The following COX7A2 variants were observed in gnomAD, a reference collection of about 807,000 sequenced individuals.
COX7A2 encodes the protein cytochrome c oxidase subunit 7A2.
In COX7A2, 11 loss-of-function variants were observed where a neutral mutation model predicts 11.6. The ratio of observed to expected loss-of-function variants is 0.95; its 90% confidence interval spans 0.60 to 1.57. COX7A2 has a LOEUF of 1.57. Ranked by LOEUF, COX7A2 falls within the 40% of genes most tolerant of loss-of-function variation. COX7A2 has a pLI of 0.00. For missense variants in COX7A2, 106 were observed against 100.9 expected (o/e 1.05, Z -0.22); for synonymous variants, 30 against 38.2 (o/e 0.78, Z 0.79).
At chr6:75,243,994 C>T (rs1411251339), upstream of COX7A2, 2 of 591,756 alleles carry the variant, frequency 3.4e-6, no homozygotes, top group East Asian at 6.0e-5. Flanking sequence ...TAGGCTGGTC[C>T]CTGGAGCTAA....
upstream of COX7A2, among the ~76,000 whole-genome samples, chr6:75,247,994 T>C (rs4632863): frequency 6.0e-3 from 919 of 152,270 alleles, 7 homozygotes; most frequent in African/African-American, 0.021. Flanking sequence ...CTTTTAAGTC[T>C]GATAAGACAC....
At chr6:75,248,033 G>T (rs1277405800), upstream of COX7A2, among the ~76,000 whole-genome samples, 1 of 151,480 alleles carries the variant, frequency 6.6e-6, no homozygotes. Flanking sequence ...TCTGCAGTCC[G>T]CTGAGAGTTT....
In COX7A2 at chr6:75,243,759, G is replaced by C. The variant is rs528000856; in HGVS notation, c.-25C>G. The C allele has an allele frequency of 1.2e-6, 2 of 1,613,966 alleles. No individual in the cohort carries two copies. Among genetic ancestry groups the C allele is most frequent in the South Asian group, 2.2e-5 (2 of 91,078 alleles). ...TCTTGGCTGTTACTGACCAGCAACCGCCACAACTGAACACCACCAACGAAA... is the reference window on the plus strand; with the variant it reads ...TCTTGGCTGTTACTGACCAGCAACCCCCACAACTGAACACCACCAACGAAA... On this transcript the variant is annotated 5_prime_UTR_variant, in exon 1 of 4. Coordinates refer to ENST00000684430, the MANE Select transcript of COX7A2 (RefSeq NM_001366293.2).
chr6:75,249,398 GA>G (rs1320445333), intron 1 of COX7A2, among the ~76,000 whole-genome samples: 2 of 151,924 alleles, frequency 1.3e-5, no homozygotes, highest in Non-Finnish European at 2.9e-5. Flanking sequence ...AGTGAAAAGA[GA>G]AAAAAAATAT....
At chr6:75,239,120 C>CCAGCCAG (rs1771411703) in intron 3 of COX7A2, among the ~76,000 whole-genome samples, 2 of 152,236 alleles carry the variant, frequency 1.3e-5, no homozygotes, top group South Asian at 4.2e-4. Context: ...CAGCCTATAC[C>CCAGCCAG]TTTTATAATA....
chr6:75,243,671 C>T lies in COX7A2; in HGVS notation c.18+46G>A, dbSNP rs370138902. 71 of 1,585,806 alleles carry T rather than the reference C, an allele frequency of 4.5e-5. No homozygotes were observed. The African/African-American group carries it at 9.0e-4, about 20-fold the overall frequency. ...CTGTCGTGGTGCCTCAGCCTCCTCT[C>T]CACTCCCTCGCCCCCATCATGAATG... On this transcript the variant is annotated intron_variant, in intron 1 of 3. Coordinates refer to ENST00000684430, the MANE Select transcript of COX7A2 (RefSeq NM_001366293.2).
chr6:75,241,122 C>T lies in COX7A2; in HGVS notation c.108+54G>A, dbSNP rs751245744. 3.2e-6 allele frequency: 5 copies of T among 1,559,558 alleles called. No individual in the cohort carries two copies. The African/African-American group carries it at 6.8e-5, about 21-fold the overall frequency. On this transcript the variant is annotated intron_variant, in intron 2 of 3. Coordinates refer to ENST00000684430, the MANE Select transcript of COX7A2 (RefSeq NM_001366293.2). Reference sequence around the variant, plus strand: ...ACATACTTGTTTATCCCAACTCTTACCTTTTGGTAATCTAATAATTACAAG... The same window carrying T: ...ACATACTTGTTTATCCCAACTCTTATCTTTTGGTAATCTAATAATTACAAG...
At chr6:75,246,195 T>C (rs1188953945), upstream of COX7A2, among the ~76,000 whole-genome samples, 1 of 152,206 alleles carries the variant, frequency 6.6e-6, no homozygotes, top group East Asian at 1.9e-4. Context: ...TCCCATTAAC[T>C]TGAGACATCT....
At chr6:75,243,182 G>A (rs1436149711) in intron 1 of COX7A2, among the ~76,000 whole-genome samples, 1 of 152,136 alleles carries the variant, frequency 6.6e-6, no homozygotes, top group Non-Finnish European at 1.5e-5. Context: ...CGATGGAGGG[G>A]TGAAGGACAA....
At chr6:75,239,798 TA>T (rs1771433392) in intron 3 of COX7A2, among the ~76,000 whole-genome samples, 1 of 152,180 alleles carries the variant, frequency 6.6e-6, no homozygotes, top group Non-Finnish European at 1.5e-5. Context: ...TTACTGGTGT[TA>T]TTTTTTTATT....
Position 75,240,293 on chromosome 6 carries a change from G to A in COX7A2, c.193+8C>T. On this transcript the variant is annotated splice_region_variant and intron_variant, in intron 3 of 3. Transcript: ENST00000684430. ...TCTATAAACCTTCAAACATTCCAAA[G>A]GCCTTACCACCAACTGTAAGAATCA... The A allele has an allele frequency of 1.3e-6, 2 of 1,597,794 alleles. No individual in the cohort carries two copies. Among genetic ancestry groups the A allele is most frequent in the South Asian group, 2.2e-5 (2 of 90,124 alleles).
intron 1 of COX7A2, 144 bp downstream of exon 1, chr6:75,243,573 G>A (rs1181998466): frequency 1.4e-6 from 1 of 723,736 alleles, no homozygotes; most frequent in African/African-American, 1.8e-5. Context: ...GGGAAAGTAA[G>A]GTCAGGGAAA....
chr6:75,244,844 C>T (rs1771645017), upstream of COX7A2, among the ~76,000 whole-genome samples: 2 of 152,202 alleles, frequency 1.3e-5, no homozygotes, highest in African/African-American at 4.8e-5. Flanking sequence ...TTCTCTTCCT[C>T]ACCAAGGTTT....
intron 3 of COX7A2, 87 bp downstream of exon 3, chr6:75,240,214 A>T: frequency 1.0e-6 from 1 of 978,292 alleles, no homozygotes; most frequent in Non-Finnish European, 1.6e-6. Context: ...GCCTGCATTA[A>T]AATACTGGCA....
chr6:75,241,147 G>A, intron 2 of COX7A2, 29 bp downstream of exon 2: 1 of 1,575,718 alleles, frequency 6.3e-7, no homozygotes, highest in South Asian at 1.1e-5. Context: ...ATAATTACAA[G>A]TAACATCTCC....
rs768097567 is a variant in COX7A2 at position 75,237,877 on chromosome 6, G to T, written c.*53C>A. 1.4e-5 allele frequency: 19 copies of T among 1,362,512 alleles called. No homozygotes were observed. Among genetic ancestry groups the T allele is most frequent in the Non-Finnish European group, 2.0e-5 (19 of 957,912 alleles). 84.4% of individuals were successfully genotyped at this position (1,362,512 alleles called of 1,614,324 possible). The stretch of plus-strand genomic sequence containing the variant: ...AGCTCGGTTATTTATCAGATTACTG[G>T]TCCATAGAGAGCTGAATGAAACTGA... On this transcript the variant is annotated 3_prime_UTR_variant, in exon 4 of 4. Coordinates refer to ENST00000684430, the MANE Select transcript of COX7A2 (RefSeq NM_001366293.2).
intron 1 of COX7A2, 45 bp from the exon 2 acceptor site, chr6:75,241,310 C>A: frequency 7.0e-7 from 1 of 1,423,622 alleles, no homozygotes; most frequent in Non-Finnish European, 9.4e-7. Flanking sequence ...CTAAAGAAAC[C>A]TTCAAAACCA....
chr6:75,245,593 A>G (rs1771664936), upstream of COX7A2, among the ~76,000 whole-genome samples: 13 of 152,136 alleles, frequency 8.5e-5, no homozygotes, highest in Admixed American at 8.5e-4. Flanking sequence ...TTACTGGATC[A>G]TTCCATCTAT....
At chr6:75,239,176 A>G (rs539924921) in intron 3 of COX7A2, among the ~76,000 whole-genome samples, 1 of 152,172 alleles carries the variant, frequency 6.6e-6, no homozygotes, top group African/African-American at 2.4e-5. Flanking sequence ...GGGAACCCCA[A>G]CTTAAAGCCA....
Sources: gnomAD v4.1 joint callset for allele counts (sites outside exome capture counted in the v4.1 genomes callset) on GRCh38, gnomAD v4.1.1 for gene constraint, MANE v1.5 for transcripts, NCBI Gene and HGNC (gene_info 2026-07-23, HGNC 2026-07-21) for gene names.